The following MEP1A variants were observed in gnomAD, a reference collection of about 807,000 sequenced individuals.
MEP1A encodes the protein N-benzoyl-L-tyrosyl-P-amino-benzoic acid hydrolase subunit alpha.
In MEP1A, 68 loss-of-function variants were observed where a neutral mutation model predicts 84.5. The observed-to-expected ratio is 0.80, with a 90% confidence interval of 0.66 to 0.98. The LOEUF (loss-of-function observed/expected upper bound fraction) is 0.98, where lower values mean the gene tolerates loss of function less well. Among genes scored for constraint, MEP1A ranks in the 50% least tolerant of loss-of-function variants. MEP1A has a pLI of 0.00. For synonymous variants in MEP1A, 337 were observed against 336.8 expected (o/e 1.00, Z -0.01); for missense variants, 887 against 919.9 (o/e 0.96, Z 0.46).
chr6:46,837,981 C>A (rs557994173), intron 13 of MEP1A, among the ~76,000 whole-genome samples: 1 of 151,692 alleles, frequency 6.6e-6, no homozygotes, highest in African/African-American at 2.4e-5. Context: ...AACTTCCACC[C>A]CCCGGGTTCA....
chr6:46,793,668 C>G lies in MEP1A; in HGVS notation c.97C>G (p.His33Asp). The change falls in exon 3 of 14, where the codon CAT (histidine) becomes GAT (aspartate). Residue 33 changes from histidine to aspartate, a missense_variant and splice_region_variant. Physicochemically the swap from His to Asp is moderately conservative, Grantham distance 81 (BLOSUM62 -1). Transcript: ENST00000230588. Reference protein sequence around the residue: ...PIKYLPEENVHDADFGEQKDI... With the variant: ...PIKYLPEENVDDADFGEQKDI... ...ATTTTTTTTCTCACTTTTAACAGTA[C>G]ATGATGCAGATTTTGGTGAACAGAA... 1 of 1,609,826 alleles carries G rather than the reference C, an allele frequency of 6.2e-7. No homozygotes were observed. The highest frequency in any genetic ancestry group is 8.5e-7 in the Non-Finnish European group (1 of 1,176,840).
chr6:46,802,398 C>A (rs1767215108), intron 5 of MEP1A, among the ~76,000 whole-genome samples: 1 of 151,730 alleles, frequency 6.6e-6, no homozygotes, highest in African/African-American at 2.4e-5. Context: ...TATAAAAATA[C>A]AATGGATTTT....
At chr6:46,828,003 G>C (rs996455529) in intron 9 of MEP1A, among the ~76,000 whole-genome samples, 1 of 152,176 alleles carries the variant, frequency 6.6e-6, no homozygotes, top group African/African-American at 2.4e-5. Flanking sequence ...CTGCTAGAGA[G>C]CTCTTGCATA....
chr6:46,815,441 A>G (rs570096440), intron 6 of MEP1A, among the ~76,000 whole-genome samples: 1 of 152,258 alleles, frequency 6.6e-6, no homozygotes, highest in East Asian at 1.9e-4. Flanking sequence ...GCTTATTCCC[A>G]CCTTGCCCCT....
At chr6:46,808,690 TG>T (rs1278907460) in intron 5 of MEP1A, among the ~76,000 whole-genome samples, 1 of 152,048 alleles carries the variant, frequency 6.6e-6, no homozygotes, top group Non-Finnish European at 1.5e-5. Context: ...CTTTGGTCAT[TG>T]GTCCCCACAG....
chr6:46,832,503 G>C (rs553492330), intron 10 of MEP1A, among the ~76,000 whole-genome samples: 2 of 152,098 alleles, frequency 1.3e-5, no homozygotes, highest in African/African-American at 4.8e-5. Context: ...GGCTTACTTT[G>C]CTCCCCTACA....
In MEP1A at chr6:46,797,935, C is replaced by CTTCCTTCT. The variant is rs1562102827; in HGVS notation, c.146-664_146-663insTTTCCTTC. ...CCTTCCTTCCTTCCTTCCTTCTTTC[C>CTTCCTTCT]TTCCTTCCTTCCTTCCTTCCTTCCT... is the stretch of plus-strand genomic sequence containing the variant. On this transcript the variant is annotated intron_variant, in intron 3 of 13. Transcript: ENST00000230588. 7.3e-4 allele frequency among the ~76,000 whole-genome samples: 15 copies of CTTCCTTCT among 20,540 alleles called. No individual in the cohort carries two copies. In the East Asian group the frequency reaches 7.9e-3, roughly 11 times the overall value. 13.5% of individuals were successfully genotyped at this position (20,540 alleles called of 152,430 possible).
chr6:46,827,561 G>A (rs9472884), intron 9 of MEP1A, among the ~76,000 whole-genome samples: 5,979 of 152,276 alleles, frequency 0.039, 414 homozygotes, highest in African/African-American at 0.14. Flanking sequence ...CTGTCTGAGA[G>A]TTGGTGAGAT....
rs1562101033 is a variant in MEP1A, at chr6:46,793,651, T to C, written c.95-15T>C. On this transcript the variant is annotated splice_polypyrimidine_tract_variant and intron_variant, in intron 2 of 13. Coordinates refer to ENST00000230588, the MANE Select transcript of MEP1A (RefSeq NM_005588.3). ...CGGCAAGACTAATAATAATTTTTTT[T>C]CTCACTTTTAACAGTACATGATGCA... The C allele has an allele frequency of 8.7e-6, 14 of 1,601,180 alleles. No homozygotes were observed. Among genetic ancestry groups the C allele is most frequent in the Non-Finnish European group, 1.2e-5 (14 of 1,172,446 alleles).
chr6:46,830,100 T>C (rs146212641), intron 10 of MEP1A, among the ~76,000 whole-genome samples: 2,009 of 151,792 alleles, frequency 0.013, 49 homozygotes, highest in African/African-American at 0.046. Context: ...ATGCAAAAAT[T>C]AGCTGGGCAT....
At chr6:46,803,050 CTTCTT>C (rs1005707276) in intron 5 of MEP1A, among the ~76,000 whole-genome samples, 37 of 151,572 alleles carry the variant, frequency 2.4e-4, no homozygotes, top group African/African-American at 8.4e-4. Context: ...AATTTTTCCT[CTTCTT>C]TTATCTTTTG....
At chr6:46,825,940 CTAGAG>C (rs914215529) in intron 8 of MEP1A, among the ~76,000 whole-genome samples, 2 of 152,254 alleles carry the variant, frequency 1.3e-5, no homozygotes, top group African/African-American at 4.8e-5. Context: ...TTAGTTATTC[CTAGAG>C]TAATCTAATC....
intron 3 of MEP1A, among the ~76,000 whole-genome samples, chr6:46,797,327 T>G (rs1767066904): frequency 6.6e-6 from 1 of 152,228 alleles, no homozygotes; most frequent in Non-Finnish European, 1.5e-5. Flanking sequence ...TCATGTCACA[T>G]GAGAGTTATG....
At chr6:46,841,460 T>C (rs374987332), downstream of MEP1A, among the ~76,000 whole-genome samples, 26 of 152,304 alleles carry the variant, frequency 1.7e-4, no homozygotes, top group South Asian at 3.7e-3. Flanking sequence ...TTTAAGATGT[T>C]GGGATGGTGA....
At chr6:46,805,362 G>A (rs1767289624) in intron 5 of MEP1A, among the ~76,000 whole-genome samples, 1 of 151,826 alleles carries the variant, frequency 6.6e-6, no homozygotes, top group South Asian at 2.1e-4. Flanking sequence ...GGCATCTAGT[G>A]CTATTTTATT....
In MEP1A at chr6:46,809,554, A is replaced by G. The variant is rs750747999; in HGVS notation, c.380+17A>G. 6.3e-5 allele frequency: 96 copies of G among 1,525,444 alleles called. No individual in the cohort carries two copies. The highest frequency in any genetic ancestry group is 8.1e-5 in the Non-Finnish European group (90 of 1,106,546). The allele number at this position is 1,525,444 out of a possible 1,614,324, so 94.5% of individuals were successfully genotyped here. ...GTTTGATGGGTTGGTATGAAATTTT[A>G]CGGAGTGAAAATCATGCATACTTTG... On this transcript the variant is annotated intron_variant, in intron 6 of 13. Coordinates refer to ENST00000230588, the MANE Select transcript of MEP1A (RefSeq NM_005588.3).
intron 5 of MEP1A, among the ~76,000 whole-genome samples, chr6:46,807,951 C>T (rs1562107241): frequency 1.3e-5 from 2 of 152,010 alleles, no homozygotes; most frequent in East Asian, 3.9e-4. Context: ...TTCCATTTAT[C>T]CCAATAATGT....
At chr6:46,829,064 C>A (rs1768013024) in intron 9 of MEP1A, among the ~76,000 whole-genome samples, 1 of 152,166 alleles carries the variant, frequency 6.6e-6, no homozygotes, top group Non-Finnish European at 1.5e-5. Context: ...ACACAAAATT[C>A]CATCAAACAT....
In MEP1A at chr6:46,835,499, T is replaced by C; in HGVS notation, c.2034T>C (p.Pro678=). 1.2e-6 allele frequency: 2 copies of C among 1,613,556 alleles called. No homozygotes were observed. Among genetic ancestry groups the C allele is most frequent in the Non-Finnish European group, 8.5e-7 (1 of 1,179,778 alleles). ...QYFRDPCDPN[P]CQNDGICVNV... ...TCAGAGACCCATGTGACCCAAACCCTTGCCAAAATGACGGCATCTGTGTGA... is the reference window on the plus strand; with the variant it reads ...TCAGAGACCCATGTGACCCAAACCCCTGCCAAAATGACGGCATCTGTGTGA... The change falls in exon 13 of 14, where the codon CCT becomes CCC. Residue 678 remains proline, a synonymous_variant. Coordinates refer to ENST00000230588, the MANE Select transcript of MEP1A (RefSeq NM_005588.3).
Sources: allele counts gnomAD v4.1 joint callset (sites outside exome capture counted in the v4.1 genomes callset), GRCh38; gene constraint gnomAD v4.1.1; transcripts MANE v1.5; gene names NCBI Gene and HGNC (gene_info 2026-07-23, HGNC 2026-07-21).